STK26: variants seen among roughly 807,000 people sequenced by gnomAD.
STK26 encodes the protein serine/threonine kinase 26, also known as serine/threonine-protein kinase 26.
STK26 carries 14 observed loss-of-function variants against 34.7 expected under a neutral mutation model. The ratio of observed to expected loss-of-function variants is 0.40; its 90% CI spans 0.27 to 0.63. STK26 has a LOEUF of 0.63. Ranked by LOEUF, STK26 falls within the 30% of genes least tolerant of loss-of-function variation. The pLI is 0.38. For synonymous variants in STK26, 100 were observed against 109.8 expected (o/e 0.91, Z 0.56); for missense variants, 226 against 309.1 (o/e 0.73, Z 2.02).
chrX:132,031,384 A>C (rs775969169), intron 2 of STK26, among the ~76,000 whole-genome samples: 3 of 112,448 alleles, frequency 2.7e-5, no homozygotes, highest in African/African-American at 6.5e-5. Context: ...ACAATAAATT[A>C]TGGTTAACCA....
intron 4 of STK26, among the ~76,000 whole-genome samples, chrX:132,065,933 G>A (rs73237343): frequency 0.01 from 1,170 of 111,703 alleles, 10 homozygotes; most frequent in Non-Finnish European, 0.017. Context: ...GTATATTCCT[G>A]TACAAATAAA....
At chrX:132,061,536 G>A (rs181543628) in intron 3 of STK26, among the ~76,000 whole-genome samples, 134 of 112,356 alleles carry the variant, frequency 1.2e-3, no homozygotes, top group Admixed American at 2.6e-3. Flanking sequence ...TCAGGACAGA[G>A]TGGATGTCAA....
intron 3 of STK26, among the ~76,000 whole-genome samples, chrX:132,059,300 A>G (rs1043393941): frequency 2.7e-5 from 3 of 112,303 alleles, no homozygotes; most frequent in African/African-American, 9.7e-5. Context: ...GATGTCATCC[A>G]TAACTAAGAC....
intron 4 of STK26, among the ~76,000 whole-genome samples, chrX:132,067,647 A>T (rs1927265562): frequency 9.0e-6 from 1 of 111,362 alleles, no homozygotes; most frequent in Admixed American, 9.6e-5. Context: ...TAGTCTGAAT[A>T]GTTTAATTAT....
intron 3 of STK26, among the ~76,000 whole-genome samples, chrX:132,058,745 G>T (rs764300773): frequency 9.0e-6 from 1 of 111,344 alleles, no homozygotes; most frequent in Non-Finnish European, 1.9e-5. Context: ...CTTCTTAAGG[G>T]ATTAAATCAA....
intron 3 of STK26, among the ~76,000 whole-genome samples, chrX:132,060,854 C>T (rs930665094): frequency 9.1e-6 from 1 of 110,161 alleles, no homozygotes; most frequent in African/African-American, 3.3e-5. Context: ...TGGACTCAAG[C>T]GATCCTCCCA....
chrX:132,033,262 GCTGGGAAAGTTT>G lies in STK26; in HGVS notation c.42+9606_42+9617del, dbSNP rs1925909493. ...CTCATCATTATCGCTGCCCACTAGA[GCTGGGAAAGTTT>G]CTAAACTCCCTGATCTCAATTTCCT... On this transcript the variant is annotated intron_variant, in intron 2 of 11. Transcript: ENST00000394334. 5.4e-5 allele frequency among the ~76,000 whole-genome samples: 6 copies of G among 111,330 alleles called. No individual in the cohort carries two copies. The South Asian group carries it at 2.3e-3, about 42-fold the overall frequency.
chrX:132,073,474 A>G (rs377541737), intron 11 of STK26, among the ~76,000 whole-genome samples: 1 of 111,599 alleles, frequency 9.0e-6, no homozygotes, highest in Non-Finnish European at 1.9e-5. Context: ...CATAGTTTCC[A>G]GTGCTAAAGT....
chrX:132,035,832 T>TACAC (rs61494612), intron 2 of STK26, among the ~76,000 whole-genome samples: 1,601 of 78,180 alleles, frequency 0.02, 30 homozygotes, highest in African/African-American at 0.042. Context: ...TCTGGCTGCA[T>TACAC]ACACACACAC....
chrX:132,071,506 A>G (rs1471540110), intron 8 of STK26, among the ~76,000 whole-genome samples: 1 of 111,865 alleles, frequency 8.9e-6, no homozygotes, highest in Non-Finnish European at 1.9e-5. Flanking sequence ...TAAAGGTGTT[A>G]TATTAGTTTG....
chrX:132,065,556 C>G (rs930218305), intron 4 of STK26, among the ~76,000 whole-genome samples: 5 of 112,012 alleles, frequency 4.5e-5, no homozygotes, highest in Admixed American at 1.9e-4. Flanking sequence ...TATGAAATCT[C>G]CAAGTTAAAT....
At chrX:132,056,942 C>A (rs1037205820) in intron 3 of STK26, among the ~76,000 whole-genome samples, 2 of 111,839 alleles carry the variant, frequency 1.8e-5, no homozygotes, top group African/African-American at 6.5e-5. Flanking sequence ...CTCAGCTGGT[C>A]TGGAGTCCAG....
chrX:132,027,584 A>G (rs1246319070), intron 2 of STK26, among the ~76,000 whole-genome samples: 2 of 111,613 alleles, frequency 1.8e-5, no homozygotes, highest in Non-Finnish European at 3.8e-5. Flanking sequence ...AATCTTTGAG[A>G]ACAGGATAAA....
At chrX:132,065,344 T>TAAG (rs1245589013) in intron 4 of STK26, among the ~76,000 whole-genome samples, 1 of 111,979 alleles carries the variant, frequency 8.9e-6, no homozygotes, top group African/African-American at 3.2e-5. Context: ...TTTTGAATAT[T>TAAG]AAGAGCCCTT....
At chrX:132,070,992 A>G in intron 7 of STK26, 77 bp from the exon 8 acceptor site, 1 of 1,032,804 alleles carries the variant, frequency 9.7e-7, no homozygotes, top group Non-Finnish European at 1.3e-6. Context: ...AATAATTCAA[A>G]TGATTTTTTT....
intron 3 of STK26, among the ~76,000 whole-genome samples, chrX:132,061,164 G>A (rs1927041568): frequency 8.9e-6 from 1 of 111,963 alleles, no homozygotes; most frequent in Non-Finnish European, 1.9e-5. Context: ...AGGCAGGCAT[G>A]TTTTATAAGA....
At chrX:132,055,277 C>A (rs1170700450) in intron 3 of STK26, among the ~76,000 whole-genome samples, 2 of 112,386 alleles carry the variant, frequency 1.8e-5, no homozygotes, top group Non-Finnish European at 3.8e-5. Flanking sequence ...TTCTCTCCCC[C>A]ACCAGGTTGT....
Position 132,034,905 on chromosome X carries a change from A to G in STK26, c.42+11246A>G, listed in dbSNP as rs1235378287. Among the ~76,000 whole-genome samples, 4 of 110,579 alleles carry G rather than the reference A, an allele frequency of 3.6e-5. No individual in the cohort carries two copies. The Admixed American group carries it at 3.8e-4, about 11-fold the overall frequency. On this transcript the variant is annotated intron_variant, in intron 2 of 11. Transcript: ENST00000394334. ...TCTGAGGTGAAGCCGGTGAATTTGC[A>G]TTTCTCATGAGTTCTCAGCTGCTCC... is the stretch of plus-strand genomic sequence containing the variant.
chrX:132,024,944 G>A (rs1366952511), intron 2 of STK26, among the ~76,000 whole-genome samples: 1 of 108,405 alleles, frequency 9.2e-6, no homozygotes, highest in African/African-American at 3.4e-5. Flanking sequence ...AAGAGAGAGA[G>A]AGAAAGGGAA....
Sources: allele counts gnomAD v4.1 joint callset (sites outside exome capture counted in the v4.1 genomes callset), GRCh38; gene constraint gnomAD v4.1.1; transcripts MANE v1.5; gene names NCBI Gene and HGNC (gene_info 2026-07-23, HGNC 2026-07-21).